Variants in UNC5A observed in about 807,000 individuals in gnomAD.
UNC5A encodes unc-5 netrin receptor A.
UNC5A carries 20 observed loss-of-function variants against 87.4 expected under a neutral mutation model. The ratio of observed to expected loss-of-function variants is 0.23; its 90% CI spans 0.16 to 0.33. The LOEUF (loss-of-function observed/expected upper bound fraction) is 0.33, where lower values mean the gene tolerates loss of function less well. Among genes scored for constraint, UNC5A ranks in the 10% least tolerant of loss-of-function variants. UNC5A has a pLI of 1.00. For synonymous variants in UNC5A, 438 were observed against 482.3 expected (o/e 0.91, Z 1.20); for missense variants, 844 against 1,133.4 (o/e 0.74, Z 3.67).
intron 1 of UNC5A, among the ~76,000 whole-genome samples, chr5:176,836,192 C>A (rs1448964919): frequency 6.6e-6 from 1 of 152,136 alleles, no homozygotes; most frequent in Admixed American, 6.5e-5. Flanking sequence ...GGCAGCTTTC[C>A]TAAGGCAGGG....
intron 1 of UNC5A, among the ~76,000 whole-genome samples, chr5:176,830,146 A>T (rs1336399334): frequency 6.6e-6 from 1 of 152,182 alleles, no homozygotes; most frequent in South Asian, 2.1e-4. Context: ...TCTGGGTGCC[A>T]TGAGAACCGC....
intron 1 of UNC5A, among the ~76,000 whole-genome samples, chr5:176,842,661 G>A (rs995734061): frequency 2.0e-5 from 3 of 152,096 alleles, no homozygotes; most frequent in African/African-American, 7.2e-5. Flanking sequence ...CTATGAGGAC[G>A]CAAAGGCAAA....
intron 6 of UNC5A, among the ~76,000 whole-genome samples, chr5:176,872,211 A>G (rs1265922405): frequency 3.2e-5 from 1 of 31,194 alleles, no homozygotes; most frequent in Non-Finnish European, 5.9e-5. Context: ...GCCCACACTC[A>G]CCAACACCAC....
At chr5:176,856,760 C>T (rs1561657897) in intron 1 of UNC5A, among the ~76,000 whole-genome samples, 1 of 152,122 alleles carries the variant, frequency 6.6e-6, no homozygotes, top group Non-Finnish European at 1.5e-5. Flanking sequence ...CCCCTCTGCC[C>T]AGTGCCACCC....
rs186542441 is a variant in UNC5A, at chr5:176,862,865, A to G, written c.292+20A>G. 2,603 of 1,611,278 alleles carry G rather than the reference A, an allele frequency of 1.6e-3. 59 individuals are homozygous for G. In the Admixed American group the frequency reaches 0.035, roughly 22 times the overall value. On this transcript the variant is annotated intron_variant, in intron 2 of 14. Coordinates refer to ENST00000329542, the MANE Select transcript of UNC5A (RefSeq NM_133369.3). ...GCAGTGGTGAGCCGCATGGGGCGCC[A>G]GGCAGGGCCAATCCGGGGGAGGCGA...
chr5:176,857,654 T>C (rs1462767508), intron 1 of UNC5A, among the ~76,000 whole-genome samples: 1 of 152,184 alleles, frequency 6.6e-6, no homozygotes, highest in African/African-American at 2.4e-5. Context: ...CCAGCTGACG[T>C]GGGCAGCCAG....
chr5:176,879,961 C>G lies in UNC5A; in HGVS notation c.*75C>G. ...AGGACAGGCAGAAGCCGGACAGGGG[C>G]CCTTCCCCACACCGGGGAGAGCTGC... On this transcript the variant is annotated 3_prime_UTR_variant, in exon 15 of 15. Transcript: ENST00000329542. 2 of 1,508,944 alleles carry G rather than the reference C, an allele frequency of 1.3e-6. No homozygotes were observed. Among genetic ancestry groups the G allele is most frequent in the South Asian group, 2.5e-5 (2 of 79,372 alleles). 93.5% of individuals were successfully genotyped at this position (1,508,944 alleles called of 1,614,324 possible).
rs938520424 is a variant in UNC5A at position 176,866,281 on chromosome 5, G to T, written c.293-1849G>T. Among the ~76,000 whole-genome samples the T allele has an allele frequency of 6.6e-6, 1 of 152,160 alleles. No individual in the cohort carries two copies. The highest frequency in any genetic ancestry group is 2.4e-5 in the African/African-American group (1 of 41,440). Reference sequence around the variant, plus strand: ...GGGTAGGGCCGGGTCTGCAGCCCCCGCCTCAGGCACTGCCCTCCAGGAGCT... The same window carrying T: ...GGGTAGGGCCGGGTCTGCAGCCCCCTCCTCAGGCACTGCCCTCCAGGAGCT... On this transcript the variant is annotated intron_variant, in intron 2 of 14. Transcript: ENST00000329542. This position sits in a 1 kb window ranked among gnomAD's most constrained non-coding sequence, Gnocchi z 5.0.
intron 1 of UNC5A, among the ~76,000 whole-genome samples, chr5:176,849,716 C>T (rs946748374): frequency 2.6e-5 from 4 of 151,974 alleles, no homozygotes; most frequent in African/African-American, 9.7e-5. Flanking sequence ...CTCCTGAGGT[C>T]CAGAGAGGGA....
intron 1 of UNC5A, among the ~76,000 whole-genome samples, chr5:176,828,315 C>T (rs1457703618): frequency 1.3e-5 from 2 of 152,168 alleles, no homozygotes; most frequent in Non-Finnish European, 2.9e-5. Context: ...GGGTGATTTG[C>T]TGCAGACCTG....
Position 176,810,665 on chromosome 5 carries a change from AGCTGGGGCTCCGG to A in UNC5A, c.-81_-69del, listed in dbSNP as rs1756426085. 2.3e-6 allele frequency: 1 copy of A among 444,266 alleles called. No homozygotes were observed. Among genetic ancestry groups the A allele is most frequent in the African/African-American group, 2.2e-5 (1 of 46,166 alleles). 27.5% of individuals were successfully genotyped at this position (444,266 alleles called of 1,614,324 possible). On this transcript the variant is annotated 5_prime_UTR_variant, in exon 1 of 15. It introduces an in-frame stop codon into an upstream open reading frame of the 5' UTR. Coordinates refer to ENST00000329542, the MANE Select transcript of UNC5A (RefSeq NM_133369.3). The surrounding 1 kb of genome is among the most constrained non-coding windows in gnomAD (Gnocchi z 7.3). ...TGGCATGGGCCCCGGGGGCGCCCCG[AGCTGGGGCTCCGG>A]GCTGAGGCGCTAAAGCCGCCCTCCC... is the stretch of plus-strand genomic sequence containing the variant.
chr5:176,845,927 G>C (rs1298249457), intron 1 of UNC5A, among the ~76,000 whole-genome samples: 2 of 152,218 alleles, frequency 1.3e-5, no homozygotes, highest in African/African-American at 4.8e-5. Flanking sequence ...AGAGCACCGG[G>C]AGAGCCAACA....
rs1170082668 is a variant in UNC5A at position 176,874,720 on chromosome 5, C to T, written c.1378+154C>T. Among the ~76,000 whole-genome samples the T allele has an allele frequency of 2.6e-5, 4 of 152,174 alleles. No homozygotes were observed. The highest frequency in any genetic ancestry group is 4.4e-5 in the Non-Finnish European group (3 of 68,028). Reference sequence around the variant, plus strand: ...GGGAGAACCCAGTCTTGGCTGGCACCGAGGCCGTGGCCAGAGCTGTCTTCC... The same window carrying T: ...GGGAGAACCCAGTCTTGGCTGGCACTGAGGCCGTGGCCAGAGCTGTCTTCC... On this transcript the variant is annotated intron_variant, in intron 8 of 14. Transcript: ENST00000329542. The surrounding 1 kb of genome is among the most constrained non-coding windows in gnomAD (Gnocchi z 7.6).
rs75492309 is a variant in UNC5A, at chr5:176,847,004, G to T, written c.71-15620G>T. Among the ~76,000 whole-genome samples, 66 of 152,194 alleles carry T rather than the reference G, an allele frequency of 4.3e-4. No homozygotes were observed. In the East Asian group the frequency reaches 8.5e-3, roughly 20 times the overall value. On this transcript the variant is annotated intron_variant, in intron 1 of 14. Coordinates refer to ENST00000329542, the MANE Select transcript of UNC5A (RefSeq NM_133369.3). The stretch of plus-strand genomic sequence containing the variant: ...CCCTCCCAGAGCTTCCACAGGGAGC[G>T]CCCCCGTCAAGCCTAGGAGAGAGCA...
rs961715516 is a variant in UNC5A, at chr5:176,810,799, G to A, written c.49G>A (p.Ala17Thr). Residue 17 changes from alanine (A) to threonine (T), a missense_variant, in exon 1 of 15, where the codon GCC becomes ACC. Physicochemically the swap from Ala to Thr is moderately conservative, Grantham distance 58. Transcript: ENST00000329542. The surrounding 1 kb of genome is among the most constrained non-coding windows in gnomAD (Gnocchi z 7.3). The part of the protein sequence containing the change: ...LWPALLGIVL[A>T]AWLRGSGAQQ... ...GCCAGCGCTCCTGGGCATAGTCCTC[G>A]CCGCTTGGCTCCGCGGCTCGGGTGA... 1.6e-6 allele frequency: 2 copies of A among 1,219,822 alleles called. No individual in the cohort carries two copies. The highest frequency in any genetic ancestry group is 3.2e-5 in the East Asian group (1 of 31,000). The allele number at this position is 1,219,822 out of a possible 1,614,324, so 75.6% of individuals were successfully genotyped here.
At position 176,831,883 on chromosome 5, in the gene UNC5A, CTCTTTTTTTTTTTT is replaced by C. The variant is rs1429053582; in HGVS notation, c.70+21065_70+21078del. The stretch of plus-strand genomic sequence containing the variant: ...TTTCACTTTCACACACTTTCTCTCT[CTCTTTTTTTTTTTT>C]TTTTTTTTTTTTTTTTTGAGACAGA... On this transcript the variant is annotated intron_variant, in intron 1 of 14. Transcript: ENST00000329542. Among the ~76,000 whole-genome samples the C allele has an allele frequency of 1.6e-4, 19 of 115,310 alleles. 2 individuals are homozygous for C. The highest frequency in any genetic ancestry group is 4.8e-4 in the African/African-American group (13 of 27,290). 75.6% of individuals were successfully genotyped at this position (115,310 alleles called of 152,430 possible).
chr5:176,843,824 C>T (rs1032196798), intron 1 of UNC5A, among the ~76,000 whole-genome samples: 3 of 152,236 alleles, frequency 2.0e-5, no homozygotes, highest in South Asian at 2.1e-4. Flanking sequence ...TGTGATGGGC[C>T]GTCTTGCCCA....
intron 1 of UNC5A, among the ~76,000 whole-genome samples, chr5:176,833,797 C>G (rs907697622): frequency 6.6e-6 from 1 of 151,848 alleles, no homozygotes; most frequent in African/African-American, 2.4e-5. Context: ...CAAGCTCCAC[C>G]TCCTGGGTTC....
intron 1 of UNC5A, among the ~76,000 whole-genome samples, chr5:176,831,862 A>G (rs1366173584): frequency 2.9e-5 from 4 of 137,588 alleles, no homozygotes; most frequent in African/African-American, 1.2e-4. Context: ...AAGCACTTTC[A>G]CTTTCACACA....
Sources: allele counts gnomAD v4.1 joint callset (sites outside exome capture counted in the v4.1 genomes callset), GRCh38; gene constraint gnomAD v4.1.1; non-coding constraint Gnocchi (gnomAD v3.1); transcripts MANE v1.5; gene names NCBI Gene and HGNC (gene_info 2026-07-23, HGNC 2026-07-21).